ZNF395: variants seen among roughly 807,000 people sequenced by gnomAD.
The protein encoded by ZNF395 is HD gene regulatory region-binding protein 2.
ZNF395 carries 20 observed loss-of-function variants against 57.7 expected under a neutral mutation model. The ratio of observed to expected loss-of-function variants is 0.35; its 90% CI spans 0.24 to 0.50. The LOEUF (loss-of-function observed/expected upper bound fraction) is 0.50. Ranked by LOEUF, ZNF395 falls within the 20% of genes least tolerant of loss-of-function variation. The pLI, the probability that ZNF395 is intolerant of heterozygous loss-of-function variation, is 0.97. For missense variants in ZNF395, 606 were observed against 671.2 expected (o/e 0.90, Z 1.07); for synonymous variants, 295 against 275.9 (o/e 1.07, Z -0.69).
chr8:28,354,393 C>T (rs1801755142), intron 4 of ZNF395, among the ~76,000 whole-genome samples: 1 of 152,202 alleles, frequency 6.6e-6, no homozygotes, highest in South Asian at 2.1e-4. Context: ...TCCTCAAAAG[C>T]CCCAACTCCC....
At chr8:28,375,768 G>A (rs1391213161) in intron 1 of ZNF395, among the ~76,000 whole-genome samples, 2 of 152,094 alleles carry the variant, frequency 1.3e-5, no homozygotes, top group Non-Finnish European at 2.9e-5. Context: ...TAGATAACAA[G>A]ATTAAAATGG....
At chr8:28,362,133 C>T (rs1477089520) in intron 1 of ZNF395, among the ~76,000 whole-genome samples, 1 of 151,938 alleles carries the variant, frequency 6.6e-6, no homozygotes, top group Non-Finnish European at 1.5e-5. Flanking sequence ...AACCAGGTTC[C>T]TCTCATCTTA....
At position 28,359,467 on chromosome 8, in the gene ZNF395, G is replaced by C; in HGVS notation, c.473+125C>G. On this transcript the variant is annotated intron_variant, in intron 3 of 9. Transcript: ENST00000344423. The surrounding 1 kb of genome is among the most constrained non-coding windows in gnomAD (Gnocchi z 4.7). Reference sequence around the variant, plus strand: ...GATTCCCCTTTTCTGTGTCCCATTTGTCCCAATATCTTGGCACCCAGATGC... The same window carrying C: ...GATTCCCCTTTTCTGTGTCCCATTTCTCCCAATATCTTGGCACCCAGATGC... The C allele has an allele frequency of 7.5e-7, 1 of 1,339,022 alleles. No homozygotes were observed. Among genetic ancestry groups the C allele is most frequent in the Non-Finnish European group, 1.0e-6 (1 of 993,464 alleles). The allele number at this position is 1,339,022 out of a possible 1,614,324, so 82.9% of individuals were successfully genotyped here. A position where few individuals can be genotyped will look rare whatever the true frequency, so the allele number is the denominator to read the frequency against.
chr8:28,384,396 C>T (rs189188986), intron 1 of ZNF395, among the ~76,000 whole-genome samples: 6 of 152,346 alleles, frequency 3.9e-5, no homozygotes, highest in Non-Finnish European at 4.4e-5. Context: ...TCAACAGCGT[C>T]AGCCTCCAGT....
chr8:28,368,247 A>C (rs1244832869), intron 1 of ZNF395, among the ~76,000 whole-genome samples: 2 of 152,166 alleles, frequency 1.3e-5, no homozygotes, highest in Non-Finnish European at 2.9e-5. Context: ...CAATTCTAGC[A>C]GTCTTCAGGG....
intron 1 of ZNF395, among the ~76,000 whole-genome samples, chr8:28,373,281 C>T (rs535247811): frequency 6.6e-6 from 1 of 152,364 alleles, no homozygotes; most frequent in South Asian, 2.1e-4. Flanking sequence ...CACTCCCTCC[C>T]TTGCCACACT....
intron 1 of ZNF395, among the ~76,000 whole-genome samples, chr8:28,367,995 G>A (rs1801931761): frequency 6.6e-6 from 1 of 152,222 alleles, no homozygotes; most frequent in South Asian, 2.1e-4. Context: ...GTGAGGGGAC[G>A]CAGTTGTCCT....
intron 1 of ZNF395, among the ~76,000 whole-genome samples, chr8:28,377,251 A>T (rs1025562143): frequency 6.6e-6 from 1 of 152,170 alleles, no homozygotes; most frequent in African/African-American, 2.4e-5. Flanking sequence ...ATTTAAAAAA[A>T]ATTTAAGCCA....
intron 1 of ZNF395, among the ~76,000 whole-genome samples, chr8:28,376,518 G>A (rs1038170619): frequency 6.6e-6 from 1 of 152,054 alleles, no homozygotes; most frequent in African/African-American, 2.4e-5. Flanking sequence ...TACTCCGGAG[G>A]CTGAGGCAGG....
intron 6 of ZNF395, 65 bp from the exon 7 acceptor site, chr8:28,351,872 G>A (rs923530211): frequency 4.4e-5 from 66 of 1,490,418 alleles, no homozygotes; most frequent in Middle Eastern, 3.6e-4. Flanking sequence ...AGCGGGGACC[G>A]CGGTAGGGAG....
chr8:28,371,746 C>A (rs1051751536), intron 1 of ZNF395, among the ~76,000 whole-genome samples: 3 of 152,202 alleles, frequency 2.0e-5, no homozygotes, highest in Non-Finnish European at 4.4e-5. Context: ...ACAGTCAGGG[C>A]TGCCTTAAGC....
At chr8:28,364,754 G>C (rs533819467) in intron 1 of ZNF395, among the ~76,000 whole-genome samples, 1 of 151,964 alleles carries the variant, frequency 6.6e-6, no homozygotes, top group African/African-American at 2.4e-5. Context: ...GACAGGCGGA[G>C]ATTCCATCTC....
chr8:28,349,274 G>T (rs1322869825), intron 8 of ZNF395, 46 bp from the exon 9 acceptor site: 3 of 1,453,786 alleles, frequency 2.1e-6, no homozygotes, highest in Non-Finnish European at 2.8e-6. Flanking sequence ...ATTCAGGAAA[G>T]GTGAGGGAGC....
In ZNF395 at chr8:28,363,580, T is replaced by C. The variant is rs181415225; in HGVS notation, c.-58-2398A>G. Among the ~76,000 whole-genome samples the C allele has an allele frequency of 9.0e-3, 1,371 of 152,262 alleles. 8 individuals are homozygous for C. Among genetic ancestry groups the C allele is most frequent in the Admixed American group, 0.017 (259 of 15,302 alleles). On this transcript the variant is annotated intron_variant, in intron 1 of 9. Transcript: ENST00000344423. The stretch of plus-strand genomic sequence containing the variant: ...CGCAATGCCATGTAGAGACATGAGA[T>C]GGCAGCATCAACCCAGAGAAAGAAA...
chr8:28,362,278 C>A (rs759011754), intron 1 of ZNF395, among the ~76,000 whole-genome samples: 1 of 152,280 alleles, frequency 6.6e-6, no homozygotes, highest in African/African-American at 2.4e-5. Flanking sequence ...CCAGGCCTGA[C>A]CCGGCTGGCA....
chr8:28,366,814 TAAA>T lies in ZNF395; in HGVS notation c.-58-5635_-58-5633del, dbSNP rs5890411. ...TGGTATGTCTTCCCCAAAGAAAGTT[TAAA>T]AAAAAAAAAAAAAAAGACACTTCGC... On this transcript the variant is annotated intron_variant, in intron 1 of 9. Transcript: ENST00000344423. 2.1e-4 allele frequency among the ~76,000 whole-genome samples: 28 copies of T among 133,816 alleles called. No individual in the cohort carries two copies. In the South Asian group the frequency reaches 4.8e-3, roughly 23 times the overall value. The allele number at this position is 133,816 out of a possible 152,430, so 87.8% of individuals were successfully genotyped here.
chr8:28,375,383 C>CT lies in ZNF395; in HGVS notation c.-59+11009dup, dbSNP rs1474226697. The CT allele has an allele frequency of 3.0e-5, 4 of 133,414 alleles. No individual in the cohort carries two copies. In the East Asian group the frequency reaches 8.4e-4, roughly 28 times the overall value. 8.3% of individuals were successfully genotyped at this position (133,414 alleles called of 1,614,324 possible). A position where few individuals can be genotyped will look rare whatever the true frequency, so the allele number is the denominator to read the frequency against. On this transcript the variant is annotated intron_variant, in intron 1 of 9. Transcript: ENST00000344423. ...AGCCTAGGAAACAGTGCAAGACTGT[C>CT]TAAAAAAAAAAAAAAAAGAGAGAGA...
At chr8:28,349,033 C>A in intron 9 of ZNF395, 92 bp downstream of exon 9, 1 of 1,333,762 alleles carries the variant, frequency 7.5e-7, no homozygotes, top group Non-Finnish European at 1.0e-6. Context: ...GGGGACTAAC[C>A]CTGGTGACTT....
intron 1 of ZNF395, among the ~76,000 whole-genome samples, chr8:28,379,775 T>C (rs563952761): frequency 1.3e-5 from 2 of 150,446 alleles, no homozygotes; most frequent in Non-Finnish European, 2.9e-5. Context: ...ATAAAAAGTT[T>C]TAAAAATTGC....
Sources: allele counts gnomAD v4.1 joint callset (sites outside exome capture counted in the v4.1 genomes callset), GRCh38; gene constraint gnomAD v4.1.1; non-coding constraint Gnocchi (gnomAD v3.1); transcripts MANE v1.5; gene names NCBI Gene and HGNC (gene_info 2026-07-23, HGNC 2026-07-21).